Variants in LIG1 observed in about 807,000 individuals in gnomAD.
LIG1 encodes ligase I, DNA, ATP-dependent.
In LIG1, 70 loss-of-function variants were observed where a neutral mutation model predicts 115.7. The observed-to-expected ratio is 0.60, with a 90% confidence interval of 0.50 to 0.74. The LOEUF is 0.74. Ranked by LOEUF, LIG1 falls within the 30% of genes least tolerant of loss-of-function variation. The pLI is 0.00. For missense variants in LIG1, 1,115 were observed against 1,225.6 expected (o/e 0.91, Z 1.35); for synonymous variants, 487 against 495.3 (o/e 0.98, Z 0.22).
rs543862283 is a variant in LIG1 at position 48,144,029 on chromosome 19, A to C, written c.777-66T>G. 23 of 1,259,256 alleles carry C rather than the reference A, an allele frequency of 1.8e-5. No individual in the cohort carries two copies. The East Asian group carries it at 4.9e-4, about 27-fold the overall frequency. The allele number at this position is 1,259,256 out of a possible 1,614,324, so 78.0% of individuals were successfully genotyped here. On this transcript the variant is annotated intron_variant, in intron 9 of 27. Transcript: ENST00000263274. ...GGTCAAAGCAAAGTCATTCCTTCCA[A>C]CTGTGATGTGCCAGGCTCTGTTCAA...
chr19:48,170,220 C>T (rs1334863290), intron 1 of LIG1, 21 bp downstream of exon 1: 2 of 455,286 alleles, frequency 4.4e-6, no homozygotes, highest in Non-Finnish European at 8.8e-6. Context: ...CTCCCATCTG[C>T]TTGCGGACGG....
intron 24 of LIG1, chr19:48,120,588 C>T: frequency 1.0e-6 from 1 of 981,706 alleles, no homozygotes; most frequent in Non-Finnish European, 1.2e-6. Context: ...AAGTAAATCA[C>T]TTTACATTTC....
intron 9 of LIG1, among the ~76,000 whole-genome samples, chr19:48,149,020 T>G (rs2035307973): frequency 6.6e-6 from 1 of 152,090 alleles, no homozygotes; most frequent in Non-Finnish European, 1.5e-5. Flanking sequence ...CTAAATCTGG[T>G]GAGTTCAGGC....
chr19:48,116,619 GCTCTCTA>G (rs1396476168), intron 26 of LIG1, among the ~76,000 whole-genome samples: 1 of 152,016 alleles, frequency 6.6e-6, no homozygotes, highest in Non-Finnish European at 1.5e-5. Flanking sequence ...AGTTACTCAG[GCTCTCTA>G]GGGCTCTACA....
At chr19:48,124,136 T>C (rs2033500134) in intron 21 of LIG1, among the ~76,000 whole-genome samples, 1 of 152,342 alleles carries the variant, frequency 6.6e-6, no homozygotes. Context: ...GGTCTGCCCT[T>C]TGCTCAGGGC....
At chr19:48,141,337 G>C (rs1039309958) in intron 11 of LIG1, among the ~76,000 whole-genome samples, 1 of 152,202 alleles carries the variant, frequency 6.6e-6, no homozygotes, top group African/African-American at 2.4e-5. Context: ...TCAACGTGTT[G>C]GTCAGGCTGG....
intron 18 of LIG1, 27 bp downstream of exon 18, chr19:48,132,955 G>C: frequency 6.6e-7 from 1 of 1,509,786 alleles, no homozygotes; most frequent in Non-Finnish European, 9.2e-7. Flanking sequence ...TCCTGTCTGT[G>C]GAAGGGACAT....
intron 12 of LIG1, among the ~76,000 whole-genome samples, chr19:48,138,119 C>T (rs2034515958): frequency 6.6e-6 from 1 of 152,110 alleles, no homozygotes; most frequent in Admixed American, 6.5e-5. Flanking sequence ...TGTTTTGGAG[C>T]CACCAGCTTA....
At chr19:48,123,057 C>T in intron 22 of LIG1, 41 bp from the exon 23 acceptor site, 1 of 1,611,840 alleles carries the variant, frequency 6.2e-7, no homozygotes, top group Non-Finnish European at 8.5e-7. Flanking sequence ...GAAGCCCTGG[C>T]TCACAAGCGC....
intron 27 of LIG1, 39 bp from the exon 28 acceptor site, chr19:48,115,771 C>G: frequency 1.3e-6 from 2 of 1,590,002 alleles, no homozygotes; most frequent in Non-Finnish European, 1.7e-6. Flanking sequence ...CAGAAGCTCC[C>G]TGGCTGCTCC....
chr19:48,123,261 C>G lies in LIG1; in HGVS notation c.2062G>C (p.Glu688Gln). 1 of 1,614,150 alleles carries G rather than the reference C, an allele frequency of 6.2e-7. No homozygotes were observed. The highest frequency in any genetic ancestry group is 8.5e-7 in the Non-Finnish European group (1 of 1,180,034). ...RRQLLRENFV[E>Q]TEGEFVFATS... is the part of the protein sequence containing the mutation. ...GCGAAGACAAACTCGCCCTCTGTCT[C>G]CACAAAGTTCTCCCGGAGCAGCTGC... Residue 688 changes from glutamate (E) to glutamine (Q), a missense_variant, in exon 22 of 28, where the codon GAG becomes CAG. Coordinates refer to ENST00000263274, the MANE Select transcript of LIG1 (RefSeq NM_000234.3).
chr19:48,147,072 CTTT>C (rs2035165718), intron 9 of LIG1, among the ~76,000 whole-genome samples: 1 of 152,210 alleles, frequency 6.6e-6, no homozygotes, highest in Non-Finnish European at 1.5e-5. Flanking sequence ...CCTCCGAACA[CTTT>C]TTTGTTAGAC....
intron 26 of LIG1, among the ~76,000 whole-genome samples, chr19:48,116,734 T>C (rs114594671): frequency 0.011 from 1,728 of 152,324 alleles, 38 homozygotes; most frequent in African/African-American, 0.038. Context: ...GACCACACAG[T>C]GCCCACTGCA....
chr19:48,163,256 T>C (rs1019418140), intron 2 of LIG1, among the ~76,000 whole-genome samples: 5 of 148,816 alleles, frequency 3.4e-5, no homozygotes, highest in African/African-American at 1.2e-4. Flanking sequence ...TTTTCACTCT[T>C]GTTGCCCAAG....
Position 48,165,031 on chromosome 19 carries a change from T to C in LIG1, c.17+519A>G, listed in dbSNP as rs537807546. Among the ~76,000 whole-genome samples the C allele has an allele frequency of 2.5e-4, 38 of 152,220 alleles. 1 individual carries two copies. Among genetic ancestry groups the C allele is most frequent in the Non-Finnish European group, 1.0e-4 (7 of 68,004 alleles). Reference sequence around the variant, plus strand: ...ATCCCAGCACTCTGGGAGGCCGAGGTGGGCGGATCACGAGGTCAGGAGTTT... The same window carrying C: ...ATCCCAGCACTCTGGGAGGCCGAGGCGGGCGGATCACGAGGTCAGGAGTTT... On this transcript the variant is annotated intron_variant, in intron 2 of 27. Transcript: ENST00000263274.
chr19:48,154,247 G>A (rs1568540168), intron 5 of LIG1: 1 of 413,198 alleles, frequency 2.4e-6, no homozygotes, highest in Non-Finnish European at 4.6e-6. Context: ...AATGTACTTG[G>A]CACAGTACCG....
In LIG1 at chr19:48,117,674, G is replaced by C; in HGVS notation, c.2547C>G (p.Leu849=). The C allele has an allele frequency of 6.2e-7, 1 of 1,612,804 alleles. No homozygotes were observed. Among genetic ancestry groups the C allele is most frequent in the Non-Finnish European group, 8.5e-7 (1 of 1,179,650 alleles). ...CAGCAGGGTAGATGGGAGAGAGGGAGAGGTCAGCGCACTTCACCTCCCACA... is the reference window on the plus strand; with the variant it reads ...CAGCAGGGTAGATGGGAGAGAGGGACAGGTCAGCGCACTTCACCTCCCACA... ...SAVWEVKCAD[L]SLSPIYPAAR... is the part of the protein sequence containing the mutation. The change falls in exon 26 of 28, where the codon CTC becomes CTG. Residue 849 remains leucine, a synonymous_variant. Coordinates refer to ENST00000263274, the MANE Select transcript of LIG1 (RefSeq NM_000234.3).
intron 6 of LIG1, among the ~76,000 whole-genome samples, 181 bp downstream of exon 6, chr19:48,153,691 C>CACACACA (rs1568538385): frequency 9.7e-5 from 11 of 113,696 alleles, no homozygotes; most frequent in East Asian, 8.2e-4. Context: ...CACACACACA[C>CACACACA]CTCTCCTTCT....
At chr19:48,141,447 C>T (rs1476839724) in intron 11 of LIG1, among the ~76,000 whole-genome samples, 2 of 152,190 alleles carry the variant, frequency 1.3e-5, no homozygotes, top group African/African-American at 2.4e-5. Context: ...CACCTTTTAA[C>T]TCATAGAATC....
Sources: allele counts gnomAD v4.1 joint callset (sites outside exome capture counted in the v4.1 genomes callset), GRCh38; gene constraint gnomAD v4.1.1; transcripts MANE v1.5; gene names NCBI Gene and HGNC (gene_info 2026-07-23, HGNC 2026-07-21).